ZNF469: variants seen among roughly 807,000 people sequenced by gnomAD.
ZNF469 encodes zinc finger protein 469.
ZNF469 carries 1 observed loss-of-function variant against 1.0 expected under a neutral mutation model. The observed-to-expected ratio is 1.00, with a 90% CI of 0.35 to 4.73. ZNF469 has a LOEUF of 4.73. Among genes scored for constraint, ZNF469 ranks in the 30% most tolerant of loss-of-function variants. The pLI is 0.16. For synonymous variants in ZNF469, 2,703 were observed against 2,363.4 expected, an observed-to-expected ratio of 1.14 and a Z score of -4.17; for missense variants, 6,100 against 5,356.3, an observed-to-expected ratio of 1.14 and a Z score of -4.33.
the ZNF469 span, among the ~76,000 whole-genome samples, chr16:88,143,120 T>C: frequency 5.7e-3 from 867 of 152,118 alleles, 7 homozygotes; most frequent in Non-Finnish European, 9.3e-3. Context: ...AATCCTCACC[T>C]GGAGAAGCCC....
the ZNF469 span, among the ~76,000 whole-genome samples, chr16:88,117,928 C>A: frequency 2.6e-5 from 4 of 152,282 alleles, no homozygotes. Flanking sequence ...CGAGGGGAGG[C>A]GCCATACTGT....
upstream of ZNF469, among the ~76,000 whole-genome samples, chr16:88,381,343 GAC>G (rs763424342): frequency 8.8e-4 from 85 of 96,622 alleles, 1 homozygote; most frequent in Middle Eastern, 0.017. Flanking sequence ...CTCGCACACA[GAC>G]ACACACTTAT....
the ZNF469 span, among the ~76,000 whole-genome samples, chr16:88,194,069 T>G: frequency 6.6e-6 from 1 of 152,162 alleles, no homozygotes; most frequent in South Asian, 2.1e-4. Context: ...TGTGGCTTGG[T>G]GCAATCACTC....
chr16:88,104,414 C>T, the ZNF469 span, among the ~76,000 whole-genome samples: 1 of 152,010 alleles, frequency 6.6e-6, no homozygotes, highest in Non-Finnish European at 1.5e-5. Flanking sequence ...CCCAGCCTCT[C>T]GCCGGCCCCT....
upstream of ZNF469, among the ~76,000 whole-genome samples, chr16:88,379,410 A>T (rs975474113): frequency 6.6e-6 from 1 of 152,046 alleles, no homozygotes; most frequent in African/African-American, 2.4e-5. Flanking sequence ...AGAGCACCCC[A>T]TCAGGCAACT....
intron 1 of ZNF469, among the ~76,000 whole-genome samples, chr16:88,423,973 TA>T (rs770084770): frequency 2.0e-5 from 3 of 152,214 alleles, no homozygotes; most frequent in Non-Finnish European, 4.4e-5. Flanking sequence ...GGAGGAGTGT[TA>T]AAGAATGTGT....
At chr16:88,203,941 TAAAG>T in the ZNF469 span, among the ~76,000 whole-genome samples, 1 of 152,114 alleles carries the variant, frequency 6.6e-6, no homozygotes, top group Non-Finnish European at 1.5e-5. Flanking sequence ...AATAGAATCT[TAAAG>T]AAGTCCCTCA....
At chr16:88,123,931 G>A in the ZNF469 span, among the ~76,000 whole-genome samples, 2 of 152,176 alleles carry the variant, frequency 1.3e-5, no homozygotes, top group East Asian at 1.9e-4. Context: ...AGCCTCCCAA[G>A]TAGCTGGGAT....
the ZNF469 span, among the ~76,000 whole-genome samples, chr16:88,233,246 G>T: frequency 1.3e-5 from 2 of 152,192 alleles, no homozygotes; most frequent in East Asian, 1.9e-4. Flanking sequence ...TCCCCGCCAG[G>T]TTCTTTGTGT....
At chr16:88,314,276 G>A in the ZNF469 span, among the ~76,000 whole-genome samples, 1 of 141,974 alleles carries the variant, frequency 7.0e-6, no homozygotes, top group Non-Finnish European at 1.6e-5. Flanking sequence ...TGATGCTGGT[G>A]TGGACTATCA....
chr16:88,349,030 C>T, the ZNF469 span, among the ~76,000 whole-genome samples: 1 of 152,194 alleles, frequency 6.6e-6, no homozygotes, highest in Non-Finnish European at 1.5e-5. Context: ...AAGCCGACTG[C>T]GGCCTCTCTG....
At chr16:88,425,878 A>T (rs1905677211) in intron 2 of ZNF469, among the ~76,000 whole-genome samples, 1 of 152,078 alleles carries the variant, frequency 6.6e-6, no homozygotes, top group African/African-American at 2.4e-5. Flanking sequence ...TGGTGGTGTG[A>T]TGTGGAGTTT....
chr16:88,149,832 T>C, the ZNF469 span, among the ~76,000 whole-genome samples: 1 of 152,308 alleles, frequency 6.6e-6, no homozygotes, highest in South Asian at 2.1e-4. Flanking sequence ...AACTGGTCTA[T>C]AAACTCCTTT....
the ZNF469 span, among the ~76,000 whole-genome samples, chr16:88,323,051 A>G: frequency 6.6e-6 from 1 of 152,206 alleles, no homozygotes; most frequent in Non-Finnish European, 1.5e-5. Flanking sequence ...ACCTGTGGAC[A>G]GTGTGGATGG....
chr16:88,341,902 A>T, the ZNF469 span, among the ~76,000 whole-genome samples: 1 of 152,198 alleles, frequency 6.6e-6, no homozygotes, highest in South Asian at 2.1e-4. Context: ...GGCGCTGGCC[A>T]TCTGGGAAGG....
chr16:88,285,129 C>T, the ZNF469 span, among the ~76,000 whole-genome samples: 9 of 152,260 alleles, frequency 5.9e-5, no homozygotes, highest in Admixed American at 3.9e-4. Context: ...CCAAGGCACA[C>T]GTGCCCATGA....
the ZNF469 span, among the ~76,000 whole-genome samples, chr16:88,207,529 G>A: frequency 6.7e-6 from 1 of 148,504 alleles, no homozygotes; most frequent in African/African-American, 2.5e-5. Context: ...AGGGACTGGC[G>A]GCTCTGGGTG....
At chr16:88,218,383 T>G in the ZNF469 span, among the ~76,000 whole-genome samples, 51 of 150,100 alleles carry the variant, frequency 3.4e-4, no homozygotes, top group East Asian at 8.1e-3. Flanking sequence ...TTTCTCCCAT[T>G]TTGTAGGTTG....
chr16:88,349,274 G>A, the ZNF469 span, among the ~76,000 whole-genome samples: 5 of 152,210 alleles, frequency 3.3e-5, no homozygotes, highest in African/African-American at 4.8e-5. Flanking sequence ...GGCTCTACAC[G>A]CACAGGTGAC....
Sources: allele counts gnomAD v4.1 joint callset (sites outside exome capture counted in the v4.1 genomes callset), GRCh38; gene constraint gnomAD v4.1.1; transcripts MANE v1.5; gene names NCBI Gene and HGNC (gene_info 2026-07-23, HGNC 2026-07-21).